The following ARHGEF7 variants were observed in gnomAD, a reference collection of about 807,000 sequenced individuals.
ARHGEF7 encodes the protein Rho guanine nucleotide exchange factor 7.
In ARHGEF7, 33 loss-of-function variants were observed where a neutral mutation model predicts 109.8. That is an observed-to-expected ratio of 0.30 (90% CI 0.23 to 0.40). The LOEUF (loss-of-function observed/expected upper bound fraction) is 0.40, where lower values mean the gene tolerates loss of function less well. Among genes scored for constraint, ARHGEF7 ranks in the 10% least tolerant of loss-of-function variants. The pLI is 1.00. For missense variants in ARHGEF7, 938 were observed against 1,098.5 expected (o/e 0.85, Z 2.07); for synonymous variants, 458 against 424.6 (o/e 1.08, Z -0.97).
At chr13:111,175,386 G>C (rs1021753076) in intron 2 of ARHGEF7, among the ~76,000 whole-genome samples, 2 of 152,260 alleles carry the variant, frequency 1.3e-5, no homozygotes, top group African/African-American at 4.8e-5. Context: ...TGAGAGAGCA[G>C]GGCTGCCCTG....
chr13:111,288,543 C>A, intron 18 of ARHGEF7, 100 bp downstream of exon 18: 1 of 808,040 alleles, frequency 1.2e-6, no homozygotes, highest in Non-Finnish European at 1.9e-6. Flanking sequence ...CTTGCACAGC[C>A]CATGCGCCTG....
At chr13:111,127,488 A>C (rs1185167810) in intron 1 of ARHGEF7, among the ~76,000 whole-genome samples, 2 of 151,780 alleles carry the variant, frequency 1.3e-5, no homozygotes, top group African/African-American at 4.8e-5. Flanking sequence ...TCCCCCCATC[A>C]CTACAAAAAA....
At chr13:111,296,023 C>T (rs2093419518) in intron 19 of ARHGEF7, among the ~76,000 whole-genome samples, 1 of 152,188 alleles carries the variant, frequency 6.6e-6, no homozygotes, top group Non-Finnish European at 1.5e-5. Flanking sequence ...GACAGTTGCG[C>T]TGCGTTGCTC....
intron 8 of ARHGEF7, chr13:111,265,723 G>A (rs2091569196): frequency 2.2e-6 from 1 of 456,030 alleles, no homozygotes; most frequent in South Asian, 1.5e-5. Context: ...GGGCCTTGGA[G>A]GTGGGTAGGT....
At chr13:111,167,735 A>C (rs1299037872) in intron 2 of ARHGEF7, among the ~76,000 whole-genome samples, 1 of 152,260 alleles carries the variant, frequency 6.6e-6, no homozygotes, top group African/African-American at 2.4e-5. Context: ...TGCTTCCTGC[A>C]GGAGCCACTG....
chr13:111,291,376 C>T (rs1215933750), intron 18 of ARHGEF7, among the ~76,000 whole-genome samples: 2 of 152,280 alleles, frequency 1.3e-5, no homozygotes, highest in Admixed American at 1.3e-4. Context: ...TTCCTGACAG[C>T]AGAGGGTCTG....
intron 19 of ARHGEF7, chr13:111,292,625 C>T: frequency 8.4e-7 from 1 of 1,190,240 alleles, no homozygotes; most frequent in Non-Finnish European, 1.0e-6. Context: ...CTCAGTGTAG[C>T]AACTGTTTGA....
At chr13:111,241,305 G>T (rs758553434) in intron 6 of ARHGEF7, 25 of 1,536,094 alleles carry the variant, frequency 1.6e-5, no homozygotes, top group East Asian at 9.8e-5. Flanking sequence ...AGCAGCCAGA[G>T]CGTGCAGAAG....
intron 2 of ARHGEF7, among the ~76,000 whole-genome samples, chr13:111,196,082 GGTAGA>G (rs2080466339): frequency 6.6e-6 from 1 of 152,168 alleles, no homozygotes; most frequent in South Asian, 2.1e-4. Flanking sequence ...CGGGTGACAG[GGTAGA>G]GTATTTTCTT....
chr13:111,218,862 A>G (rs1305239624), intron 5 of ARHGEF7, among the ~76,000 whole-genome samples: 1 of 152,314 alleles, frequency 6.6e-6, no homozygotes, highest in East Asian at 1.9e-4. Context: ...AAAAAGATTT[A>G]CAAATGGGAA....
chr13:111,204,873 C>A (rs1196840079), intron 2 of ARHGEF7, among the ~76,000 whole-genome samples: 1 of 152,226 alleles, frequency 6.6e-6, no homozygotes, highest in Non-Finnish European at 1.5e-5. Context: ...CTGTCATTTT[C>A]CCTTATTTTC....
At chr13:111,175,978 G>C (rs1189093237) in intron 2 of ARHGEF7, among the ~76,000 whole-genome samples, 3 of 152,192 alleles carry the variant, frequency 2.0e-5, no homozygotes, top group South Asian at 4.1e-4. Context: ...ATCAGATCTT[G>C]TGAGAACTCA....
intron 2 of ARHGEF7, among the ~76,000 whole-genome samples, chr13:111,203,625 A>G (rs1039298071): frequency 6.6e-6 from 1 of 152,204 alleles, no homozygotes; most frequent in Non-Finnish European, 1.5e-5. Context: ...ACTTTAAGAA[A>G]GTGACCTCTG....
Position 111,274,787 on chromosome 13 carries a change from T to A in ARHGEF7, c.1269T>A (p.Leu423=). 1 of 1,480,170 alleles carries A rather than the reference T, an allele frequency of 6.8e-7. No individual in the cohort carries two copies. Among genetic ancestry groups the A allele is most frequent in the Non-Finnish European group, 9.0e-7 (1 of 1,109,630 alleles). 91.7% of individuals were successfully genotyped at this position (1,480,170 alleles called of 1,614,324 possible). A position where few individuals can be genotyped will look rare whatever the true frequency, so the allele number is the denominator to read the frequency against. The change falls in exon 11 of 22, where the codon CTT becomes CTA. Residue 423 remains leucine, a synonymous_variant. Transcript: ENST00000646102. ...IQKSMAAFKN[L]SAQCQEVRKR... is the part of the protein sequence containing the mutation. Reference sequence around the variant, plus strand: ...AATCCATGGCTGCCTTCAAAAACCTTTCAGTAAGTGATTAAGCATATTGTT... The same window carrying A: ...AATCCATGGCTGCCTTCAAAAACCTATCAGTAAGTGATTAAGCATATTGTT...
rs534061089 is a variant in ARHGEF7 at position 111,266,832 on chromosome 13, G to T, written c.951-716G>T. 4.4e-6 allele frequency: 2 copies of T among 455,892 alleles called. No individual in the cohort carries two copies. The highest frequency in any genetic ancestry group is 8.8e-6 in the Non-Finnish European group (2 of 226,804). 28.2% of individuals were successfully genotyped at this position (455,892 alleles called of 1,614,324 possible). On this transcript the variant is annotated intron_variant, in intron 8 of 21. Transcript: ENST00000646102. The surrounding 1 kb of genome is among the most constrained non-coding windows in gnomAD (Gnocchi z 4.8). ...CGTGGTTCTCCTGTTTTCAGCACAC[G>T]TGCCCCTGCTCCGGGTTGTTGCTGT...
intron 2 of ARHGEF7, among the ~76,000 whole-genome samples, chr13:111,194,073 C>T (rs977482247): frequency 1.3e-5 from 2 of 152,158 alleles, no homozygotes; most frequent in African/African-American, 2.4e-5. Flanking sequence ...TAGCCTCTGA[C>T]GCTAAGACGG....
At chr13:111,119,121 A>T (rs1218569527) in intron 1 of ARHGEF7, among the ~76,000 whole-genome samples, 1 of 152,222 alleles carries the variant, frequency 6.6e-6, no homozygotes, top group Non-Finnish European at 1.5e-5. Context: ...TTGTGGCAAC[A>T]CAAGTCCAAT....
At chr13:111,122,445 T>C (rs1451958437) in intron 1 of ARHGEF7, among the ~76,000 whole-genome samples, 4 of 152,182 alleles carry the variant, frequency 2.6e-5, no homozygotes, top group Non-Finnish European at 5.9e-5. Context: ...GGAGAATTAA[T>C]CTCTTGATGT....
intron 1 of ARHGEF7, among the ~76,000 whole-genome samples, chr13:111,151,533 C>T (rs2075885218): frequency 6.6e-6 from 1 of 152,204 alleles, no homozygotes; most frequent in Non-Finnish European, 1.5e-5. Context: ...ACAATTTTAG[C>T]TGCTTTTCCA....
Sources: allele counts gnomAD v4.1 joint callset (sites outside exome capture counted in the v4.1 genomes callset), GRCh38; gene constraint gnomAD v4.1.1; non-coding constraint Gnocchi (gnomAD v3.1); transcripts MANE v1.5; gene names NCBI Gene and HGNC (gene_info 2026-07-23, HGNC 2026-07-21).